Variants in FOXP4 observed in about 807,000 individuals in gnomAD.
FOXP4 encodes forkhead box P4, also known as forkhead box protein P4.
FOXP4 carries 25 observed loss-of-function variants against 82.6 expected under a neutral mutation model. The observed-to-expected ratio is 0.30, with a 90% CI of 0.22 to 0.42. FOXP4 has a LOEUF of 0.42. FOXP4 is among the 10% of genes least tolerant of loss of function. The probability of loss-of-function intolerance (pLI) is 1.00; values close to 1 mark genes in which losing one functional copy is unlikely to be tolerated. For synonymous variants in FOXP4, 415 were observed against 388.2 expected (o/e 1.07, Z -0.81); for missense variants, 785 against 900.9 (o/e 0.87, Z 1.65).
chr6:41,597,478 C>A (rs1688431387), intron 15 of FOXP4, among the ~76,000 whole-genome samples: 1 of 152,218 alleles, frequency 6.6e-6, no homozygotes, highest in Admixed American at 6.5e-5. Flanking sequence ...ATACCTATAG[C>A]ATCCCCTTTC....
intron 2 of FOXP4, among the ~76,000 whole-genome samples, chr6:41,569,775 C>T (rs2127357930): frequency 6.6e-6 from 1 of 152,270 alleles, no homozygotes; most frequent in Admixed American, 6.5e-5. Flanking sequence ...GGGAGGGTTG[C>T]CTAGCGTCTG....
At position 41,599,161 on chromosome 6, in the gene FOXP4, C is replaced by T; in HGVS notation, c.*225C>T. 3.6e-6 allele frequency: 2 copies of T among 550,698 alleles called. No homozygotes were observed. The highest frequency in any genetic ancestry group is 5.5e-5 in the South Asian group (2 of 36,276). 34.1% of individuals were successfully genotyped at this position (550,698 alleles called of 1,614,324 possible). A position where few individuals can be genotyped will look rare whatever the true frequency, so the allele number is the denominator to read the frequency against. ...CCCCTGGTCTTGGACCAGTAGAGGA[C>T]ACGGAGGGTTCAGACCCCTCCTCAG... On this transcript the variant is annotated 3_prime_UTR_variant, in exon 17 of 17. Coordinates refer to ENST00000307972, the MANE Select transcript of FOXP4 (RefSeq NM_001012426.2).
chr6:41,553,231 G>C (rs571053476), intron 1 of FOXP4, among the ~76,000 whole-genome samples: 202 of 143,284 alleles, frequency 1.4e-3, no homozygotes, highest in African/African-American at 4.7e-3. Context: ...CCTCCCACCC[G>C]ATCCCCATCG....
At chr6:41,577,272 A>G (rs1765540128) in intron 2 of FOXP4, among the ~76,000 whole-genome samples, 1 of 152,106 alleles carries the variant, frequency 6.6e-6, no homozygotes, top group South Asian at 2.1e-4. Context: ...ACTTAATCTA[A>G]TTCCTCCAGC....
At chr6:41,571,075 TG>T (rs1765173092) in intron 2 of FOXP4, among the ~76,000 whole-genome samples, 1 of 152,142 alleles carries the variant, frequency 6.6e-6, no homozygotes, top group Non-Finnish European at 1.5e-5. Context: ...GAGGGATGTA[TG>T]TCTGGTAGCC....
At chr6:41,552,664 C>T (rs553077876) in intron 1 of FOXP4, among the ~76,000 whole-genome samples, 6 of 152,242 alleles carry the variant, frequency 3.9e-5, no homozygotes, top group South Asian at 2.1e-4. Context: ...AAGGGGTTTT[C>T]GGCACTCACC....
intron 1 of FOXP4, 50 bp from the exon 2 acceptor site, chr6:41,565,695 T>C: frequency 6.6e-7 from 1 of 1,513,410 alleles, no homozygotes; most frequent in Non-Finnish European, 8.9e-7. Context: ...GTCACTGCCC[T>C]TTCAGCCTTC....
chr6:41,590,407 C>A, intron 12 of FOXP4, 60 bp downstream of exon 12: 1 of 1,548,938 alleles, frequency 6.5e-7, no homozygotes, highest in South Asian at 1.2e-5. Context: ...CCCCAGCCCC[C>A]GCCACACCCC....
At position 41,600,371 on chromosome 6, in the gene FOXP4, C is replaced by CA. The variant is rs1303275154; in HGVS notation, c.*1436dup. Reference sequence around the variant, plus strand: ...TCTAGCAAAAGAGCTGGAAAAAAGTCAGACTCTCCACAGACCCCCTATGGG... The same window carrying CA: ...TCTAGCAAAAGAGCTGGAAAAAAGTCAAGACTCTCCACAGACCCCCTATGGG... On this transcript the variant is annotated 3_prime_UTR_variant, in exon 17 of 17. Transcript: ENST00000307972. 5 of 152,674 alleles carry CA rather than the reference C, an allele frequency of 3.3e-5. No homozygotes were observed. Among genetic ancestry groups the CA allele is most frequent in the African/African-American group, 7.2e-5 (3 of 41,456 alleles). The allele number at this position is 152,674 out of a possible 1,614,324, so 9.5% of individuals were successfully genotyped here. A position where few individuals can be genotyped will look rare whatever the true frequency, so the allele number is the denominator to read the frequency against.
chr6:41,555,105 G>T (rs928430453), intron 1 of FOXP4, among the ~76,000 whole-genome samples: 1 of 152,052 alleles, frequency 6.6e-6, no homozygotes, highest in African/African-American at 2.4e-5. Flanking sequence ...AAAAATTAGG[G>T]TGTGGTGGCA....
rs1297723346 is a variant in FOXP4 at position 41,601,515 on chromosome 6, C to T, written c.*2579C>T. ...AAGATGGAGTTTCGCTCTTATTGCC[C>T]AGACTGGAGTGCAGTGATGCTATCT... On this transcript the variant is annotated 3_prime_UTR_variant, in exon 17 of 17. Coordinates refer to ENST00000307972, the MANE Select transcript of FOXP4 (RefSeq NM_001012426.2). The T allele has an allele frequency of 6.6e-6, 1 of 152,220 alleles. No homozygotes were observed. Among genetic ancestry groups the T allele is most frequent in the African/African-American group, 2.4e-5 (1 of 41,408 alleles). The allele number at this position is 152,220 out of a possible 1,614,324, so 9.4% of individuals were successfully genotyped here.
In FOXP4 at chr6:41,598,887, C is replaced by A. The variant is rs571150796; in HGVS notation, c.1994C>A (p.Pro665Gln). 1 of 1,605,912 alleles carries A rather than the reference C, an allele frequency of 6.2e-7. No individual in the cohort carries two copies. The highest frequency in any genetic ancestry group is 1.3e-5 in the African/African-American group (1 of 74,974). ...CCTAACCCCAGCGCCTCGGGGCCTC[C>A]GGAAGACAGGGACCTGGAGGAGGAG... ...GAPNPSASGP[P>Q]EDRDLEEELP... The change falls in exon 17 of 17, where the codon CCG becomes CAG. Residue 665 changes from proline to glutamine, a missense_variant. Coordinates refer to ENST00000307972, the MANE Select transcript of FOXP4 (RefSeq NM_001012426.2).
At chr6:41,582,333 A>G (rs370610196) in intron 3 of FOXP4, among the ~76,000 whole-genome samples, 13 of 152,326 alleles carry the variant, frequency 8.5e-5, no homozygotes, top group East Asian at 7.7e-4. Flanking sequence ...ATACACGTGT[A>G]AAGGGCTTAG....
Position 41,587,377 on chromosome 6 carries a change from A to G in FOXP4, c.737A>G (p.Lys246Arg), listed in dbSNP as rs200305782. ...GGGCAGCCTGCCGAGGACAGCGTCA[A>G]GCAGGAGGGGCTGGACCTCACTGGC... Reference protein sequence around the residue: ...APGQPAEDSVKQEGLDLTGTA... With the variant: ...APGQPAEDSVRQEGLDLTGTA... The change falls in exon 7 of 17, where the codon AAG becomes AGG. Residue 246 changes from lysine to arginine, a missense_variant. By Grantham distance (26) the Lys-to-Arg change is conservative (BLOSUM62 2). Coordinates refer to ENST00000307972, the MANE Select transcript of FOXP4 (RefSeq NM_001012426.2). The G allele has an allele frequency of 6.2e-7, 1 of 1,606,030 alleles. No homozygotes were observed. The highest frequency in any genetic ancestry group is 8.5e-7 in the Non-Finnish European group (1 of 1,175,838).
rs369724251 is a variant in FOXP4 at position 41,585,423 on chromosome 6, C to G, written c.424-8C>G. 2.1e-5 allele frequency: 34 copies of G among 1,613,120 alleles called. No homozygotes were observed. The highest frequency in any genetic ancestry group is 1.6e-4 in the Middle Eastern group (1 of 6,068). ...CCTGCCAGTGGTAACCCTCCTCCAC[C>G]CCCCCAGCTACAGGAGTACTACAAG... On this transcript the variant is annotated splice_polypyrimidine_tract_variant and splice_region_variant and intron_variant, in intron 4 of 16. Coordinates refer to ENST00000307972, the MANE Select transcript of FOXP4 (RefSeq NM_001012426.2).
intron 1 of FOXP4, among the ~76,000 whole-genome samples, chr6:41,560,095 C>T (rs1458551230): frequency 6.6e-6 from 1 of 152,168 alleles, no homozygotes; most frequent in Non-Finnish European, 1.5e-5. Flanking sequence ...GTCCAGTTCT[C>T]CCCATTATAC....
rs1317848849 is a variant in FOXP4 at position 41,601,860 on chromosome 6, G to A, written c.*2924G>A. On this transcript the variant is annotated 3_prime_UTR_variant, in exon 17 of 17. Coordinates refer to ENST00000307972, the MANE Select transcript of FOXP4 (RefSeq NM_001012426.2). The stretch of plus-strand genomic sequence containing the variant: ...GGCCTGTCCCTAGGGACAAGGCCCA[G>A]GGAAGAGTGTATTTGGGGAGCAGGG... The A allele has an allele frequency of 6.6e-6, 1 of 152,216 alleles. No homozygotes were observed. The highest frequency in any genetic ancestry group is 6.5e-5 in the Admixed American group (1 of 15,288). 9.4% of individuals were successfully genotyped at this position (152,216 alleles called of 1,614,324 possible). A position where few individuals can be genotyped will look rare whatever the true frequency, so the allele number is the denominator to read the frequency against.
intron 6 of FOXP4, 43 bp downstream of exon 6, chr6:41,587,199 G>T: frequency 1.2e-6 from 2 of 1,609,260 alleles, no homozygotes; most frequent in Non-Finnish European, 8.5e-7. Context: ...CAACCCCACA[G>T]CCCTGCCTGT....
Position 41,562,090 on chromosome 6 carries a change from C to T in FOXP4, c.-16-3655C>T, listed in dbSNP as rs1468157311. On this transcript the variant is annotated intron_variant, in intron 1 of 16. Transcript: ENST00000307972. ...AGTGCAGGGAGCACACCGGTGCTGT[C>T]GCGGCGCCCTGTGGAGAGGTGGGCA... Among the ~76,000 whole-genome samples, 4 of 152,226 alleles carry T rather than the reference C, an allele frequency of 2.6e-5. No homozygotes were observed. In the East Asian group the frequency reaches 5.8e-4, roughly 22 times the overall value.
Sources: gnomAD v4.1 joint callset for allele counts (sites outside exome capture counted in the v4.1 genomes callset) on GRCh38, gnomAD v4.1.1 for gene constraint, MANE v1.5 for transcripts, NCBI Gene and HGNC (gene_info 2026-07-23, HGNC 2026-07-21) for gene names.